The following ZNF451 variants were observed in gnomAD, a reference collection of about 807,000 sequenced individuals.
ZNF451 encodes zinc finger protein 451.
A neutral mutation model predicts 107.1 loss-of-function variants in ZNF451; 80 were observed. That is an observed-to-expected ratio of 0.75 (90% CI 0.62 to 0.90). ZNF451 has a LOEUF of 0.90. Ranked by LOEUF, ZNF451 falls within the 40% of genes least tolerant of loss-of-function variation. The probability of loss-of-function intolerance (pLI) is 0.00; values close to 1 mark genes in which losing one functional copy is unlikely to be tolerated. For synonymous variants in ZNF451, 362 were observed against 406.5 expected, an observed-to-expected ratio of 0.89 and a Z score of 1.32; for missense variants, 1,107 against 1,236.2, an observed-to-expected ratio of 0.90 and a Z score of 1.57.
At chr6:57,099,211 AC>A (rs1829468375) in intron 3 of ZNF451, 70 bp downstream of exon 3, 1 of 1,239,002 alleles carries the variant, frequency 8.1e-7, no homozygotes, top group African/African-American at 1.5e-5. Context: ...AAAGAGAGTT[AC>A]CAAATCAGGG....
At chr6:57,129,776 C>T (rs929847873) in intron 5 of ZNF451, among the ~76,000 whole-genome samples, 3 of 152,152 alleles carry the variant, frequency 2.0e-5, no homozygotes, top group South Asian at 2.1e-4. Flanking sequence ...GCCTGTGCCT[C>T]GCAAACTCCC....
intron 2 of ZNF451, 25 bp from the exon 3 acceptor site, chr6:57,099,036 T>G (rs773685358): frequency 6.3e-6 from 10 of 1,598,714 alleles, no homozygotes; most frequent in Non-Finnish European, 8.6e-6. Flanking sequence ...GTTAATGACT[T>G]CTAAATTTGC....
intron 10 of ZNF451, among the ~76,000 whole-genome samples, chr6:57,149,830 C>CT (rs11455525): frequency 0.14 from 21,328 of 150,674 alleles, 1,563 homozygotes; most frequent in Middle Eastern, 0.18. Flanking sequence ...CTTCTGTTTA[C>CT]TTTTTTTTTG....
chr6:57,127,976 T>G (rs1193699970), intron 4 of ZNF451, among the ~76,000 whole-genome samples: 1 of 152,190 alleles, frequency 6.6e-6, no homozygotes, highest in Non-Finnish European at 1.5e-5. Context: ...TGTCTGTGGC[T>G]GCTCTCCTGC....
At position 57,099,347 on chromosome 6, in the gene ZNF451, A is replaced by G. The variant is rs1329629169; in HGVS notation, c.186+206A>G. 5 of 649,002 alleles carry G rather than the reference A, an allele frequency of 7.7e-6. No homozygotes were observed. The African/African-American group carries it at 9.2e-5, about 12-fold the overall frequency. 40.2% of individuals were successfully genotyped at this position (649,002 alleles called of 1,614,324 possible). On this transcript the variant is annotated intron_variant, in intron 3 of 14. Transcript: ENST00000370706. ...TACTTTGAATGAGATTATGAAAAAAATGATAATATGACTCTGGGAAATTCA... is the reference window on the plus strand; with the variant it reads ...TACTTTGAATGAGATTATGAAAAAAGTGATAATATGACTCTGGGAAATTCA...
intron 3 of ZNF451, among the ~76,000 whole-genome samples, chr6:57,122,806 G>A (rs1562604978): frequency 6.6e-6 from 1 of 152,212 alleles, no homozygotes; most frequent in Non-Finnish European, 1.5e-5. Flanking sequence ...CCTGTGGAAA[G>A]CAGTTCAGAG....
chr6:57,114,340 C>T (rs1830261595), intron 3 of ZNF451, among the ~76,000 whole-genome samples: 2 of 152,134 alleles, frequency 1.3e-5, no homozygotes, highest in Admixed American at 1.3e-4. Context: ...ATTTTAAATA[C>T]ACTTTAAAAT....
intron 4 of ZNF451, among the ~76,000 whole-genome samples, chr6:57,125,387 TTAG>T (rs1830883567): frequency 6.6e-6 from 1 of 152,152 alleles, no homozygotes; most frequent in African/African-American, 2.4e-5. Flanking sequence ...TTGACTTGCT[TTAG>T]AAGGCCCCAA....
At chr6:57,096,338 CCAT>C (rs1344879046) in intron 2 of ZNF451, among the ~76,000 whole-genome samples, 3 of 151,468 alleles carry the variant, frequency 2.0e-5, no homozygotes, top group Admixed American at 2.0e-4. Context: ...GCGCCCACCA[CCAT>C]GCCTGGCTAA....
chr6:57,127,630 G>C (rs1830992041), intron 4 of ZNF451, among the ~76,000 whole-genome samples: 1 of 152,128 alleles, frequency 6.6e-6, no homozygotes, highest in Non-Finnish European at 1.5e-5. Context: ...ATGAATTCTA[G>C]AATCAGATTG....
chr6:57,135,708 TATTA>T (rs1209838885), intron 7 of ZNF451, among the ~76,000 whole-genome samples: 4 of 152,190 alleles, frequency 2.6e-5, no homozygotes, highest in East Asian at 1.9e-4. Context: ...ATGAATATAG[TATTA>T]ATTTAATAAA....
intron 3 of ZNF451, chr6:57,103,798 G>A (rs1476319163): frequency 2.0e-6 from 2 of 985,106 alleles, no homozygotes; most frequent in Admixed American, 6.2e-5. Flanking sequence ...AGTGGTAATT[G>A]ATGTTTTCTC....
chr6:57,109,787 T>C lies in ZNF451; in HGVS notation c.186+10646T>C, dbSNP rs1487894489. 3 of 835,624 alleles carry C rather than the reference T, an allele frequency of 3.6e-6. No homozygotes were observed. In the African/African-American group the frequency reaches 5.6e-5, roughly 15 times the overall value. The allele number at this position is 835,624 out of a possible 1,614,324, so 51.8% of individuals were successfully genotyped here. ...AAATAAGAGAATGTAGAATGAGGAG[T>C]TAGAGTGTATATGTATGTGTATACA... On this transcript the variant is annotated intron_variant, in intron 3 of 14. Transcript: ENST00000370706.
At chr6:57,153,767 C>T (rs897544055) in intron 12 of ZNF451, 94 bp from the exon 13 acceptor site, 109 of 1,281,178 alleles carry the variant, frequency 8.5e-5, no homozygotes, top group Non-Finnish European at 2.3e-5. Flanking sequence ...GCTTAATATA[C>T]CTTCCTAGGC....
chr6:57,101,902 GACA>G (rs1320606566), intron 3 of ZNF451: 1 of 1,550,418 alleles, frequency 6.4e-7, no homozygotes, highest in Non-Finnish European at 8.7e-7. Context: ...TGTTGCAGAA[GACA>G]ACAATATAAA....
chr6:57,101,147 C>T, intron 3 of ZNF451: 2 of 1,550,764 alleles, frequency 1.3e-6, no homozygotes, highest in Non-Finnish European at 1.7e-6. Flanking sequence ...TCACCATCAG[C>T]TGATGACAAA....
At position 57,147,459 on chromosome 6, in the gene ZNF451, T is replaced by A. The variant is rs139246566; in HGVS notation, c.1374T>A (p.Gly458=). The A allele has an allele frequency of 1.4e-4, 226 of 1,613,914 alleles. No individual in the cohort carries two copies. Among genetic ancestry groups the A allele is most frequent in the Admixed American group, 2.5e-4 (15 of 59,982 alleles). The stretch of plus-strand genomic sequence containing the variant: ...ATTTAAAAGATAAAAGCCATGAAGG[T>A]GTTGCTTGTGTCCAGAAAGAAAAAT... ...KMNLKDKSHE[G]VACVQKEKSV... is the part of the protein sequence containing the mutation. The change falls in exon 10 of 15, where the codon GGT becomes GGA. Residue 458 remains glycine (G), a synonymous_variant. Transcript: ENST00000370706.
intron 2 of ZNF451, among the ~76,000 whole-genome samples, chr6:57,097,723 T>C (rs1204674464): frequency 6.6e-6 from 1 of 152,138 alleles, no homozygotes; most frequent in Admixed American, 6.5e-5. Context: ...CTCAAGTCTT[T>C]ATTTCCAGGT....
In ZNF451 at chr6:57,147,621, C is replaced by A. The variant is rs1393828756; in HGVS notation, c.1536C>A (p.Val512=). Reference sequence around the variant, plus strand: ...GAAAGGTATGTGATGATTCAGGGGTCATTCGTTTACACATGAGCCGGATTC... The same window carrying A: ...GAAAGGTATGTGATGATTCAGGGGTAATTCGTTTACACATGAGCCGGATTC... The part of the protein sequence containing the change: ...VCGKVCDDSG[V]IRLHMSRIHG... Residue 512 remains valine (V), a synonymous_variant, in exon 10 of 15, where the codon GTC becomes GTA. Coordinates refer to ENST00000370706, the MANE Select transcript of ZNF451 (RefSeq NM_001031623.3). 1 of 1,614,080 alleles carries A rather than the reference C, an allele frequency of 6.2e-7. No homozygotes were observed. The highest frequency in any genetic ancestry group is 1.1e-5 in the South Asian group (1 of 91,078).
Sources: gnomAD v4.1 joint callset for allele counts (sites outside exome capture counted in the v4.1 genomes callset) on GRCh38, gnomAD v4.1.1 for gene constraint, MANE v1.5 for transcripts, NCBI Gene and HGNC (gene_info 2026-07-23, HGNC 2026-07-21) for gene names.